STK32B: variants seen among roughly 807,000 people sequenced by gnomAD.
STK32B encodes the protein serine/threonine kinase 32B.
STK32B carries 43 observed loss-of-function variants against 52.6 expected under a neutral mutation model. The observed-to-expected ratio is 0.82, with a 90% CI of 0.64 to 1.05. STK32B has a LOEUF of 1.05. Among genes scored for constraint, STK32B ranks in the 50% least tolerant of loss-of-function variants. STK32B has a pLI of 0.00. For synonymous variants in STK32B, 238 were observed against 204.3 expected, an observed-to-expected ratio of 1.17 and a Z score of -1.41; for missense variants, 621 against 534.6, an observed-to-expected ratio of 1.16 and a Z score of -1.59.
intron 2 of STK32B, among the ~76,000 whole-genome samples, chr4:5,159,645 G>GAATA (rs1718228439): frequency 6.1e-5 from 3 of 48,784 alleles, no homozygotes; most frequent in African/African-American, 1.6e-4. Flanking sequence ...ATATATGAAT[G>GAATA]TATATGAATA....
intron 11 of STK32B, among the ~76,000 whole-genome samples, chr4:5,495,919 C>T (rs1280417208): frequency 6.6e-6 from 1 of 152,168 alleles, no homozygotes; most frequent in African/African-American, 2.4e-5. Flanking sequence ...ATGCTGCTCT[C>T]TGATCGTTCC....
At chr4:5,263,208 A>G (rs1726840720) in intron 3 of STK32B, among the ~76,000 whole-genome samples, 1 of 152,210 alleles carries the variant, frequency 6.6e-6, no homozygotes, top group Non-Finnish European at 1.5e-5. Context: ...TCACTGGAGG[A>G]CAGCCCACGT....
chr4:5,356,213 C>T (rs1239002783), intron 4 of STK32B, among the ~76,000 whole-genome samples: 1 of 152,140 alleles, frequency 6.6e-6, no homozygotes, highest in African/African-American at 2.4e-5. Flanking sequence ...CAGCCTGTGG[C>T]AGCATCACTC....
intron 6 of STK32B, among the ~76,000 whole-genome samples, chr4:5,421,596 C>T (rs967979184): frequency 1.6e-4 from 25 of 152,178 alleles, no homozygotes; most frequent in South Asian, 2.1e-4. Flanking sequence ...CAGACTCACT[C>T]GAGCCTCCTC....
chr4:5,121,848 C>T (rs1715041462), intron 1 of STK32B, among the ~76,000 whole-genome samples: 2 of 152,140 alleles, frequency 1.3e-5, no homozygotes, highest in Admixed American at 6.5e-5. Context: ...TCATCCTGTT[C>T]AGGAGACTTG....
intron 1 of STK32B, among the ~76,000 whole-genome samples, chr4:5,115,587 A>G (rs953099401): frequency 6.6e-6 from 1 of 151,478 alleles, no homozygotes; most frequent in African/African-American, 2.4e-5. Context: ...CAACTGGAGA[A>G]GTGTAACCTG....
intron 11 of STK32B, among the ~76,000 whole-genome samples, chr4:5,478,344 T>C (rs1002772530): frequency 2.6e-5 from 4 of 152,266 alleles, no homozygotes; most frequent in South Asian, 4.1e-4. Flanking sequence ...GAGACGATGG[T>C]AAGAGAATCC....
At chr4:5,190,750 C>T (rs2108763902) in intron 3 of STK32B, among the ~76,000 whole-genome samples, 1 of 152,262 alleles carries the variant, frequency 6.6e-6, no homozygotes, top group Middle Eastern at 3.4e-3. Context: ...CTTGCCATCC[C>T]TTGCAGACAT....
In STK32B at chr4:5,460,349, AG is replaced by A; in HGVS notation, c.909+124del. The A allele has an allele frequency of 7.0e-7, 1 of 1,434,782 alleles. No homozygotes were observed. The highest frequency in any genetic ancestry group is 9.4e-7 in the Non-Finnish European group (1 of 1,067,686). 88.9% of individuals were successfully genotyped at this position (1,434,782 alleles called of 1,614,324 possible). On this transcript the variant is annotated intron_variant, in intron 9 of 11. Transcript: ENST00000282908. This position sits in a 1 kb window ranked among gnomAD's most constrained non-coding sequence, Gnocchi z 4.8. ...GCTGGCCACTTCCACCTGAGCACCA[AG>A]GGCTTATGTCTTGCTGGAATTCAGG...
chr4:5,130,148 G>A (rs1315103493), intron 1 of STK32B, among the ~76,000 whole-genome samples: 1 of 150,218 alleles, frequency 6.7e-6, no homozygotes, highest in Non-Finnish European at 1.5e-5. Context: ...GGGTGGTGAG[G>A]GAAGACCTCT....
chr4:5,232,958 C>G (rs1038865656), intron 3 of STK32B, among the ~76,000 whole-genome samples: 1 of 152,208 alleles, frequency 6.6e-6, no homozygotes, highest in Non-Finnish European at 1.5e-5. Flanking sequence ...TTTCTCCACA[C>G]AGCTCCCTTT....
intron 4 of STK32B, among the ~76,000 whole-genome samples, chr4:5,336,394 A>T (rs57885049): frequency 0.082 from 12,447 of 152,024 alleles, 985 homozygotes; most frequent in Admixed American, 0.19. Flanking sequence ...ATTATCAGAC[A>T]TCCAGGGAAA....
chr4:5,272,652 A>G (rs992371656), intron 3 of STK32B, among the ~76,000 whole-genome samples: 1 of 152,160 alleles, frequency 6.6e-6, no homozygotes, highest in Non-Finnish European at 1.5e-5. Flanking sequence ...GATATAGATC[A>G]ATGGAACAGA....
At chr4:5,098,488 T>C (rs1713520819) in intron 1 of STK32B, among the ~76,000 whole-genome samples, 1 of 152,194 alleles carries the variant, frequency 6.6e-6, no homozygotes, top group Admixed American at 6.5e-5. Flanking sequence ...GTGGTATGCA[T>C]GTGTGTGCTA....
At chr4:5,144,817 C>T (rs1278002369) in intron 2 of STK32B, among the ~76,000 whole-genome samples, 1 of 152,136 alleles carries the variant, frequency 6.6e-6, no homozygotes, top group Non-Finnish European at 1.5e-5. Flanking sequence ...TCCATCCATC[C>T]ATCCATCCAT....
chr4:5,436,126 GC>G (rs2109099321), intron 6 of STK32B, among the ~76,000 whole-genome samples: 1 of 152,288 alleles, frequency 6.6e-6, no homozygotes, highest in African/African-American at 2.4e-5. Context: ...TGCCCTCTGG[GC>G]CAGACTGGTC....
intron 6 of STK32B, among the ~76,000 whole-genome samples, chr4:5,433,225 C>G (rs1336532340): frequency 6.6e-6 from 1 of 151,966 alleles, no homozygotes; most frequent in Non-Finnish European, 1.5e-5. Context: ...TCTTGGTGAC[C>G]AATCAAATGG....
At chr4:5,297,160 G>A (rs1729257295) in intron 3 of STK32B, among the ~76,000 whole-genome samples, 5 of 152,156 alleles carry the variant, frequency 3.3e-5, no homozygotes, top group Admixed American at 3.3e-4. Flanking sequence ...TTAGTCTGAT[G>A]GGCTTCCCTT....
Position 5,499,148 on chromosome 4 carries a change from T to TTTG in STK32B, c.*67_*69dup. 2 of 1,517,104 alleles carry TTTG rather than the reference T, an allele frequency of 1.3e-6. No individual in the cohort carries two copies. Among genetic ancestry groups the TTTG allele is most frequent in the Non-Finnish European group, 1.8e-6 (2 of 1,126,052 alleles). 94.0% of individuals were successfully genotyped at this position (1,517,104 alleles called of 1,614,324 possible). A position where few individuals can be genotyped will look rare whatever the true frequency, so the allele number is the denominator to read the frequency against. On this transcript the variant is annotated 3_prime_UTR_variant, in exon 12 of 12. Transcript: ENST00000282908. ...CTGCCCTGCCCACCCAGAGCCCCTC[T>TTTG]TTGTGCCCTGATGGTCCCTGTCTCA... is the stretch of plus-strand genomic sequence containing the variant.
Sources: allele counts gnomAD v4.1 joint callset (sites outside exome capture counted in the v4.1 genomes callset), GRCh38; gene constraint gnomAD v4.1.1; non-coding constraint Gnocchi (gnomAD v3.1); transcripts MANE v1.5; gene names NCBI Gene and HGNC (gene_info 2026-07-23, HGNC 2026-07-21).